NDST4: variants seen among roughly 807,000 people sequenced by gnomAD.
The protein encoded by NDST4 is N-heparan sulfate sulfotransferase 4.
In NDST4, 63 loss-of-function variants were observed where a neutral mutation model predicts 100.8. That is an observed-to-expected ratio of 0.62 (90% CI 0.51 to 0.77). The LOEUF (loss-of-function observed/expected upper bound fraction) is 0.77, where lower values mean the gene tolerates loss of function less well. Ranked by LOEUF, NDST4 falls within the 30% of genes least tolerant of loss-of-function variation. NDST4 has a pLI of 0.00. For missense variants in NDST4, 943 were observed against 1,018.4 expected, an observed-to-expected ratio of 0.93 and a Z score of 1.01; for synonymous variants, 377 against 361.8, an observed-to-expected ratio of 1.04 and a Z score of -0.48.
intron 1 of NDST4, among the ~76,000 whole-genome samples, chr4:115,086,389 A>G (rs1336810595): frequency 1.3e-5 from 2 of 152,106 alleles, no homozygotes; most frequent in Non-Finnish European, 2.9e-5. Flanking sequence ...TTTCTGCAGA[A>G]ATGATCTTTT....
Position 114,930,330 on chromosome 4 carries a change from C to T in NDST4, c.1536+4876G>A, listed in dbSNP as rs146476153. The stretch of plus-strand genomic sequence containing the variant: ...AAGTTTCTTGCCAAAGATCACAGAG[C>T]ATCCATGCGCCTGTTCCAAGTGTGG... On this transcript the variant is annotated intron_variant, in intron 6 of 13. Transcript: ENST00000264363. 1.5e-4 allele frequency among the ~76,000 whole-genome samples: 23 copies of T among 152,274 alleles called. No individual in the cohort carries two copies. In the East Asian group the frequency reaches 4.4e-3, roughly 29 times the overall value.
At chr4:115,040,179 G>T (rs1203195466) in intron 2 of NDST4, among the ~76,000 whole-genome samples, 2 of 150,722 alleles carry the variant, frequency 1.3e-5, no homozygotes, top group African/African-American at 4.9e-5. Context: ...TATGCAACTT[G>T]TTTCCATGGT....
chr4:114,884,756 G>A (rs1724443575), intron 6 of NDST4, among the ~76,000 whole-genome samples: 1 of 152,058 alleles, frequency 6.6e-6, no homozygotes, highest in African/African-American at 2.4e-5. Context: ...GCATATGAAT[G>A]GTTCTCCAGC....
chr4:115,105,619 G>T (rs1226263467), intron 1 of NDST4, among the ~76,000 whole-genome samples: 2 of 152,004 alleles, frequency 1.3e-5, no homozygotes, highest in African/African-American at 4.8e-5. Flanking sequence ...AAAACAACAA[G>T]AAATCTTGGT....
chr4:114,938,669 G>A lies in NDST4; in HGVS notation c.1222-1166C>T, dbSNP rs115562028. Among the ~76,000 whole-genome samples the A allele has an allele frequency of 4.8e-3, 734 of 152,268 alleles. 4 individuals are homozygous for A. The highest frequency in any genetic ancestry group is 8.6e-3 in the Admixed American group (132 of 15,288). ...CAGCATAGGAAAAGAATTCAGTCTC[G>A]TCTAATAAGCAAGTAGTGAATGGAT... is the stretch of plus-strand genomic sequence containing the variant. On this transcript the variant is annotated intron_variant, in intron 4 of 13. Coordinates refer to ENST00000264363, the MANE Select transcript of NDST4 (RefSeq NM_022569.3).
intron 2 of NDST4, among the ~76,000 whole-genome samples, chr4:115,071,740 GA>G (rs887346464): frequency 1.3e-3 from 187 of 144,938 alleles, no homozygotes; most frequent in East Asian, 9.4e-3. Flanking sequence ...TGTACTACCA[GA>G]AAAAAAAAAT....
At chr4:115,070,903 G>A (rs1256787128) in intron 2 of NDST4, among the ~76,000 whole-genome samples, 1 of 152,010 alleles carries the variant, frequency 6.6e-6, no homozygotes, top group African/African-American at 2.4e-5. Context: ...TCAGAAGTTT[G>A]ATGCCAGCGT....
chr4:114,857,806 A>G (rs1206966138), intron 7 of NDST4, among the ~76,000 whole-genome samples: 1 of 152,216 alleles, frequency 6.6e-6, no homozygotes, highest in Non-Finnish European at 1.5e-5. Flanking sequence ...TGGACAGGAC[A>G]GGCAACTTGA....
At chr4:114,911,139 CATTAAAAA>C (rs1402061705) in intron 6 of NDST4, among the ~76,000 whole-genome samples, 1 of 132,762 alleles carries the variant, frequency 7.5e-6, no homozygotes, top group Non-Finnish European at 1.5e-5. Context: ...TATAAGAACA[CATTAAAAA>C]ATATAAACAG....
At chr4:114,946,973 G>A (rs979093144) in intron 4 of NDST4, among the ~76,000 whole-genome samples, 1 of 149,908 alleles carries the variant, frequency 6.7e-6, no homozygotes, top group East Asian at 1.9e-4. Context: ...TTTTTTTTTT[G>A]TTGGTCGATT....
intron 6 of NDST4, among the ~76,000 whole-genome samples, chr4:114,884,642 T>C (rs1252864313): frequency 1.3e-5 from 2 of 152,134 alleles, no homozygotes; most frequent in African/African-American, 4.8e-5. Context: ...TACATCAATA[T>C]TTTCTTATAA....
chr4:114,842,632 A>G (rs1397136454), intron 10 of NDST4: 1 of 261,886 alleles, frequency 3.8e-6, no homozygotes. Flanking sequence ...AAAAAAAAAA[A>G]AAAAAAAAAA....
chr4:114,987,980 A>C (rs1285773964), intron 2 of NDST4, among the ~76,000 whole-genome samples: 1 of 152,222 alleles, frequency 6.6e-6, no homozygotes, highest in Non-Finnish European at 1.5e-5. Context: ...TGTGATTCTG[A>C]ATATGCATGC....
At chr4:115,023,485 C>CAAAAAA (rs61136345) in intron 2 of NDST4, among the ~76,000 whole-genome samples, 1 of 89,598 alleles carries the variant, frequency 1.1e-5, no homozygotes, top group Non-Finnish European at 2.4e-5. Flanking sequence ...AATTCCATCT[C>CAAAAAA]AAAAAAAAAA....
At chr4:115,061,315 C>T (rs565706602) in intron 2 of NDST4, among the ~76,000 whole-genome samples, 5 of 152,250 alleles carry the variant, frequency 3.3e-5, no homozygotes, top group African/African-American at 7.2e-5. Flanking sequence ...TGTAAAGACA[C>T]ATGCATACAT....
chr4:114,898,364 T>C (rs993815201), intron 6 of NDST4, among the ~76,000 whole-genome samples: 4 of 152,204 alleles, frequency 2.6e-5, no homozygotes, highest in Admixed American at 6.5e-5. Context: ...CAGCTAACTA[T>C]ATTTATGAAT....
chr4:115,099,481 C>A (rs1729687169), intron 1 of NDST4, among the ~76,000 whole-genome samples: 1 of 151,604 alleles, frequency 6.6e-6, no homozygotes, highest in Non-Finnish European at 1.5e-5. Flanking sequence ...AAAAACAACC[C>A]AATTCAAAAA....
chr4:114,924,364 T>A (rs949791102), intron 6 of NDST4, among the ~76,000 whole-genome samples: 1 of 151,298 alleles, frequency 6.6e-6, no homozygotes, highest in Non-Finnish European at 1.5e-5. Context: ...CTGCTGTGAG[T>A]GTGAATCCCT....
chr4:114,963,898 CA>C (rs773629687), intron 4 of NDST4, among the ~76,000 whole-genome samples: 67 of 152,292 alleles, frequency 4.4e-4, no homozygotes, highest in Non-Finnish European at 7.4e-4. Flanking sequence ...ATGTGATAGG[CA>C]GCTTCTATAA....
Sources: gnomAD v4.1 joint callset for allele counts (sites outside exome capture counted in the v4.1 genomes callset) on GRCh38, gnomAD v4.1.1 for gene constraint, MANE v1.5 for transcripts, NCBI Gene and HGNC (gene_info 2026-07-23, HGNC 2026-07-21) for gene names.